The following GLI3 variants were observed in gnomAD, a reference collection of about 807,000 sequenced individuals.
The protein encoded by GLI3 is transcription activator GLI3.
Under a neutral mutation model 100.8 loss-of-function variants are expected in GLI3, and 20 were observed. The ratio of observed to expected loss-of-function variants is 0.20; its 90% confidence interval spans 0.14 to 0.29. The LOEUF (loss-of-function observed/expected upper bound fraction) is 0.29. Among genes scored for constraint, GLI3 ranks in the 10% least tolerant of loss-of-function variants. The pLI is 1.00. For synonymous variants in GLI3, 938 were observed against 860.5 expected, an observed-to-expected ratio of 1.09 and a Z score of -1.58; for missense variants, 2,040 against 2,128.5, an observed-to-expected ratio of 0.96 and a Z score of 0.82.
chr7:42,141,876 T>G (rs572629906), intron 3 of GLI3, among the ~76,000 whole-genome samples: 1 of 152,160 alleles, frequency 6.6e-6, no homozygotes, highest in South Asian at 2.1e-4. Flanking sequence ...GCTGTGAGCA[T>G]GGGTCACCTG....
In GLI3 at chr7:41,968,763, G is replaced by GAA. The variant is rs1491137662; in HGVS notation, c.2104-841_2104-840insTT. On this transcript the variant is annotated intron_variant, in intron 13 of 14. Transcript: ENST00000395925. Reference sequence around the variant, plus strand: ...AAGAAAGAAAGAAAGAAAGAAAGAAGGAAAGAAAGAAAGAAAGAAAGAAAG... The same window carrying GAA: ...AAGAAAGAAAGAAAGAAAGAAAGAAGAAGAAAGAAAGAAAGAAAGAAAGAAAG... Among the ~76,000 whole-genome samples, 21 of 56,688 alleles carry GAA rather than the reference G, an allele frequency of 3.7e-4. 1 individual carries two copies. The highest frequency in any genetic ancestry group is 1.7e-3 in the African/African-American group (21 of 12,284). 37.2% of individuals were successfully genotyped at this position (56,688 alleles called of 152,430 possible).
At chr7:42,113,126 G>A (rs747243411) in intron 3 of GLI3, among the ~76,000 whole-genome samples, 6 of 151,476 alleles carry the variant, frequency 4.0e-5, no homozygotes, top group Admixed American at 6.6e-5. Flanking sequence ...GCAGTGAGCC[G>A]AGATCACACC....
At chr7:42,003,052 T>C (rs938200539) in intron 10 of GLI3, among the ~76,000 whole-genome samples, 4 of 152,264 alleles carry the variant, frequency 2.6e-5, no homozygotes, top group African/African-American at 7.2e-5. Context: ...TTTGACTGTT[T>C]CATTCACTGA....
chr7:42,261,273 T>C (rs1417048797), intron 1 of GLI3, among the ~76,000 whole-genome samples: 1 of 151,682 alleles, frequency 6.6e-6, no homozygotes, highest in Non-Finnish European at 1.5e-5. Context: ...CCACACATTG[T>C]AAATGATCAG....
Position 41,966,406 on chromosome 7 carries a change from C to T in GLI3, c.2667G>A (p.Val889=), listed in dbSNP as rs1372151159. 6 of 1,611,378 alleles carry T rather than the reference C, an allele frequency of 3.7e-6. No homozygotes were observed. The highest frequency in any genetic ancestry group is 1.3e-5 in the African/African-American group (1 of 74,908). Residue 889 remains valine, a synonymous_variant, in exon 15 of 15, where the codon GTG becomes GTA. Coordinates refer to ENST00000395925, the MANE Select transcript of GLI3 (RefSeq NM_000168.6). This position sits in a 1 kb window ranked among gnomAD's most constrained non-coding sequence, Gnocchi z 5.8. ...TGGGGTCGTAGGAGTCGGCCACGCT[C>T]ACGTTCTGCGGCCGGCCCTCGGCCT... The part of the protein sequence containing the change: ...ASQAEGRPQN[V]SVADSYDPIS...
At chr7:42,044,042 T>C (rs1246800556) in intron 6 of GLI3, among the ~76,000 whole-genome samples, 1 of 152,228 alleles carries the variant, frequency 6.6e-6, no homozygotes, top group Non-Finnish European at 1.5e-5. Flanking sequence ...CAGAATCTTG[T>C]GTTCCAATGA....
At position 42,048,688 on chromosome 7, in the gene GLI3, G is replaced by T; in HGVS notation, c.482C>A (p.Ala161Asp). The change falls in exon 5 of 15, where the codon GCC becomes GAC. Residue 161 changes from alanine (A) to aspartate (D), a missense_variant. Ala to Asp is a moderately radical substitution (Grantham distance 126). Transcript: ENST00000395925. The stretch of plus-strand genomic sequence containing the variant: ...CGGATACGTAGGGCTACTAGATAAG[G>T]CGGAAGTCCTGGGTACAAAGAAAAC... ...SPIPPLHMTS[A>D]LSSSPTYPDL... 1 of 1,608,842 alleles carries T rather than the reference G, an allele frequency of 6.2e-7. No homozygotes were observed. Among genetic ancestry groups the T allele is most frequent in the African/African-American group, 1.4e-5 (1 of 73,552 alleles).
At chr7:42,217,232 C>A (rs1188877286) in intron 2 of GLI3, among the ~76,000 whole-genome samples, 1 of 152,044 alleles carries the variant, frequency 6.6e-6, no homozygotes, top group Non-Finnish European at 1.5e-5. Flanking sequence ...ACCGGTAGGA[C>A]ATGGGAGCAG....
In GLI3 at chr7:42,182,658, A is replaced by ATATATATATATATATATACACATGTG. The variant is rs1554337016; in HGVS notation, c.125-34191_125-34190insCACATGTGTATATATATATATATATA. ...TATATGTGTGTGTATATATATATATATATATATATATATATATATATATAC... is the reference window on the plus strand; with the variant it reads ...TATATGTGTGTGTATATATATATATATATATATATATATATATACACATGTGTATATATATATATATATATATATAC... On this transcript the variant is annotated intron_variant, in intron 2 of 14. Coordinates refer to ENST00000395925, the MANE Select transcript of GLI3 (RefSeq NM_000168.6). Among the ~76,000 whole-genome samples the ATATATATATATATATATACACATGTG allele has an allele frequency of 5.4e-5, 3 of 56,052 alleles. No homozygotes were observed. The Admixed American group carries it at 5.4e-4, about 10-fold the overall frequency. The allele number at this position is 56,052 out of a possible 152,430, so 36.8% of individuals were successfully genotyped here.
chr7:42,174,159 T>C (rs574659145), intron 2 of GLI3, among the ~76,000 whole-genome samples: 1 of 152,210 alleles, frequency 6.6e-6, no homozygotes, highest in African/African-American at 2.4e-5. Context: ...AAAACATAAA[T>C]GTTATAATTG....
chr7:42,085,334 C>T (rs545640425), intron 3 of GLI3, among the ~76,000 whole-genome samples: 140 of 152,232 alleles, frequency 9.2e-4, no homozygotes, highest in South Asian at 1.7e-3. Flanking sequence ...GCAAAAAGAG[C>T]TTTCAGTGTT....
chr7:42,262,963 T>G (rs1789160790), intron 1 of GLI3, among the ~76,000 whole-genome samples: 1 of 151,646 alleles, frequency 6.6e-6, no homozygotes, highest in Non-Finnish European at 1.5e-5. Flanking sequence ...TTTTTTTTTT[T>G]TAATGATTAA....
At chr7:41,977,858 C>T in intron 11 of GLI3, 136 bp from the exon 12 acceptor site, 1 of 773,338 alleles carries the variant, frequency 1.3e-6, no homozygotes, top group Non-Finnish European at 2.3e-6. Flanking sequence ...AAAAAGTCCA[C>T]TAAACTCTGC....
chr7:42,244,591 TA>T (rs1362154000), intron 1 of GLI3, among the ~76,000 whole-genome samples: 1 of 152,188 alleles, frequency 6.6e-6, no homozygotes, highest in East Asian at 1.9e-4. Context: ...TTGAGTAAAT[TA>T]TCTTTGTATG....
chr7:41,994,571 C>A (rs1788073804), intron 10 of GLI3, among the ~76,000 whole-genome samples: 1 of 152,148 alleles, frequency 6.6e-6, no homozygotes, highest in Non-Finnish European at 1.5e-5. Context: ...GGAAGAAAGC[C>A]TGCCTTGTGC....
At chr7:42,106,815 A>C (rs1036860448) in intron 3 of GLI3, among the ~76,000 whole-genome samples, 1 of 151,764 alleles carries the variant, frequency 6.6e-6, no homozygotes, top group Non-Finnish European at 1.5e-5. Flanking sequence ...GCTATTTTCC[A>C]GTGTCCCAAC....
rs548452018 is a variant in GLI3, at chr7:42,196,983, C to A, written c.124+26147G>T. Among the ~76,000 whole-genome samples the A allele has an allele frequency of 1.4e-4, 21 of 152,322 alleles. No homozygotes were observed. In the East Asian group the frequency reaches 4.1e-3, roughly 29 times the overall value. Reference sequence around the variant, plus strand: ...ATCATGTGCTTCATTTCTATTACTCCTGATGGCAACCCTTCAAGAAGTTTT... The same window carrying A: ...ATCATGTGCTTCATTTCTATTACTCATGATGGCAACCCTTCAAGAAGTTTT... On this transcript the variant is annotated intron_variant, in intron 2 of 14. Coordinates refer to ENST00000395925, the MANE Select transcript of GLI3 (RefSeq NM_000168.6).
chr7:42,161,623 C>T (rs142916445), intron 2 of GLI3, among the ~76,000 whole-genome samples: 85 of 152,230 alleles, frequency 5.6e-4, no homozygotes, highest in African/African-American at 1.5e-3. Flanking sequence ...CTACAGATGA[C>T]GGAAATAGGC....
Position 42,068,051 on chromosome 7 carries a change from A to G in GLI3, c.473+8701T>C, listed in dbSNP as rs376064700. ...GGGTTAGACACTCACTTTTATCTTTATTGGAAATGCACTCACATGCTCTAA... is the reference window on the plus strand; with the variant it reads ...GGGTTAGACACTCACTTTTATCTTTGTTGGAAATGCACTCACATGCTCTAA... On this transcript the variant is annotated intron_variant, in intron 4 of 14. Transcript: ENST00000395925. Among the ~76,000 whole-genome samples the G allele has an allele frequency of 3.3e-5, 5 of 152,334 alleles. No individual in the cohort carries two copies. In the East Asian group the frequency reaches 9.6e-4, roughly 29 times the overall value.
Sources: allele counts gnomAD v4.1 joint callset (sites outside exome capture counted in the v4.1 genomes callset), GRCh38; gene constraint gnomAD v4.1.1; non-coding constraint Gnocchi (gnomAD v3.1); transcripts MANE v1.5; gene names NCBI Gene and HGNC (gene_info 2026-07-23, HGNC 2026-07-21).